Variants in COL19A1 observed in about 807,000 individuals in gnomAD.
The protein encoded by COL19A1 is collagen alpha-1(XIX) chain.
A neutral mutation model predicts 190.2 loss-of-function variants in COL19A1; 159 were observed. That is an observed-to-expected ratio of 0.84 (90% CI 0.73 to 0.95). COL19A1 has a LOEUF of 0.95. Ranked by LOEUF, COL19A1 falls within the 40% of genes least tolerant of loss-of-function variation. COL19A1 has a pLI of 0.00. For missense variants in COL19A1, 1,418 were observed against 1,431.9 expected (o/e 0.99, Z 0.16); for synonymous variants, 509 against 458.9 (o/e 1.11, Z -1.39).
intron 14 of COL19A1, among the ~76,000 whole-genome samples, chr6:70,048,681 A>T (rs1780032458): frequency 6.6e-6 from 1 of 152,142 alleles, no homozygotes; most frequent in Admixed American, 6.6e-5. Flanking sequence ...GTTGTAATTT[A>T]AAGTTATTTA....
chr6:69,900,413 G>T, intron 4 of COL19A1, 75 bp downstream of exon 4: 1 of 837,372 alleles, frequency 1.2e-6, no homozygotes, highest in Non-Finnish European at 1.7e-6. Context: ...CAAATAATTT[G>T]TTTTAAAAAT....
chr6:69,936,700 TC>T (rs1773133532), intron 7 of COL19A1, 84 bp from the exon 8 acceptor site: 2 of 1,529,504 alleles, frequency 1.3e-6, no homozygotes, highest in Non-Finnish European at 1.8e-6. Flanking sequence ...ACCTCAGCAA[TC>T]CCTAGTTTAG....
chr6:69,937,475 C>T (rs1773183275), intron 8 of COL19A1, among the ~76,000 whole-genome samples: 2 of 152,078 alleles, frequency 1.3e-5, no homozygotes, highest in African/African-American at 2.4e-5. Flanking sequence ...CCTTTATGAA[C>T]TTCCTTTATG....
intron 15 of COL19A1, among the ~76,000 whole-genome samples, chr6:70,087,258 T>C (rs887331934): frequency 4.6e-5 from 7 of 152,138 alleles, no homozygotes; most frequent in African/African-American, 1.7e-4. Flanking sequence ...TTAGTGTGGT[T>C]GATGGTGATA....
chr6:70,088,381 G>A (rs1232982429), intron 15 of COL19A1, among the ~76,000 whole-genome samples: 1 of 152,000 alleles, frequency 6.6e-6, no homozygotes, highest in South Asian at 2.1e-4. Context: ...TCAGGTATCT[G>A]GCTTCTCATA....
At chr6:70,177,194 T>A (rs779102031) in intron 42 of COL19A1, among the ~76,000 whole-genome samples, 1 of 152,186 alleles carries the variant, frequency 6.6e-6, no homozygotes, top group Non-Finnish European at 1.5e-5. Flanking sequence ...GATGCTCTAA[T>A]TAAAATTTTG....
chr6:70,030,640 C>A (rs761095778), intron 12 of COL19A1, among the ~76,000 whole-genome samples: 11 of 152,090 alleles, frequency 7.2e-5, no homozygotes, highest in Non-Finnish European at 1.5e-4. Context: ...TCAGTCATTT[C>A]TTTTTTTGTG....
intron 11 of COL19A1, among the ~76,000 whole-genome samples, chr6:69,963,186 T>C (rs1774903142): frequency 6.6e-6 from 1 of 152,208 alleles, no homozygotes; most frequent in South Asian, 2.1e-4. Context: ...AAGTATCCAA[T>C]TATTTAAATA....
chr6:69,911,733 C>CA (rs1561987526), intron 4 of COL19A1, among the ~76,000 whole-genome samples: 1 of 152,200 alleles, frequency 6.6e-6, no homozygotes, highest in Non-Finnish European at 1.5e-5. Flanking sequence ...CACTTGTGCT[C>CA]TTAATCCTCT....
At chr6:69,893,196 G>A (rs1157422922) in intron 2 of COL19A1, among the ~76,000 whole-genome samples, 1 of 152,178 alleles carries the variant, frequency 6.6e-6, no homozygotes, top group Non-Finnish European at 1.5e-5. Flanking sequence ...ATTCGTGAAT[G>A]TTTCAGCTTT....
At chr6:69,943,948 G>C (rs757446848) in intron 9 of COL19A1, among the ~76,000 whole-genome samples, 4 of 152,054 alleles carry the variant, frequency 2.6e-5, no homozygotes, top group Non-Finnish European at 5.9e-5. Context: ...TCTCTCTTAA[G>C]GTAAACCCCA....
intron 11 of COL19A1, among the ~76,000 whole-genome samples, chr6:69,984,831 A>G (rs60984333): frequency 0.04 from 6,030 of 152,240 alleles, 399 homozygotes; most frequent in African/African-American, 0.13. Context: ...TTAGTCTTCT[A>G]TCATTGAGTG....
chr6:70,191,330 T>G (rs1376693463), intron 48 of COL19A1, among the ~76,000 whole-genome samples: 6 of 152,248 alleles, frequency 3.9e-5, no homozygotes, highest in Non-Finnish European at 8.8e-5. Flanking sequence ...TCTAAGTGTG[T>G]GATCTTATGT....
intron 46 of COL19A1, among the ~76,000 whole-genome samples, chr6:70,185,157 G>A (rs1432473232): frequency 6.6e-6 from 1 of 152,060 alleles, no homozygotes; most frequent in Non-Finnish European, 1.5e-5. Flanking sequence ...TTTAAATTTG[G>A]GAAGCTTTTA....
In COL19A1 at chr6:70,048,821, A is replaced by G. The variant is rs189958849; in HGVS notation, c.1170+12882A>G. ...CCACAAAGATTTTTAAATGCTTAGA[A>G]TAGAATTGAATTAAACTAATTTTAA... On this transcript the variant is annotated intron_variant, in intron 14 of 50. Transcript: ENST00000620364. Among the ~76,000 whole-genome samples, 751 of 152,226 alleles carry G rather than the reference A, an allele frequency of 4.9e-3. 3 individuals are homozygous for G. The highest frequency in any genetic ancestry group is 7.3e-3 in the Non-Finnish European group (493 of 67,966).
At chr6:69,951,428 T>TAA in intron 9 of COL19A1, among the ~76,000 whole-genome samples, 1 of 152,056 alleles carries the variant, frequency 6.6e-6, no homozygotes, top group East Asian at 1.9e-4. Context: ...AGCCTTACTG[T>TAA]GGGACCAGAT....
Position 70,163,401 on chromosome 6 carries a change from A to C in COL19A1, c.2400+5A>C, listed in dbSNP as rs753915292. ...ACAGGAGCAAAAGGTGAAAAGGTAC[A>C]AAGGAAAAGCCTCACTTACCATCCA... On this transcript the variant is annotated splice_donor_5th_base_variant and intron_variant, in intron 36 of 50. Transcript: ENST00000620364. 6.2e-7 allele frequency: 1 copy of C among 1,610,524 alleles called. No individual in the cohort carries two copies. Among genetic ancestry groups the C allele is most frequent in the Non-Finnish European group, 8.5e-7 (1 of 1,178,072 alleles).
chr6:69,994,536 G>T (rs1245881290), intron 11 of COL19A1, among the ~76,000 whole-genome samples: 1 of 152,130 alleles, frequency 6.6e-6, no homozygotes. Flanking sequence ...GTCTCTCTCA[G>T]ATGAGTATAA....
At chr6:70,131,165 ATTGTC>A in intron 18 of COL19A1, 1 of 301,546 alleles carries the variant, frequency 3.3e-6, no homozygotes, top group Non-Finnish European at 7.2e-6. Context: ...TGAATGTGCC[ATTGTC>A]AGAAAAAAAA....
Sources: gnomAD v4.1 joint callset for allele counts (sites outside exome capture counted in the v4.1 genomes callset) on GRCh38, gnomAD v4.1.1 for gene constraint, MANE v1.5 for transcripts, NCBI Gene and HGNC (gene_info 2026-07-23, HGNC 2026-07-21) for gene names.